The following DLC1 variants were observed in gnomAD, a reference collection of about 807,000 sequenced individuals.
DLC1 encodes the protein rho GTPase-activating protein 7.
In DLC1, 54 loss-of-function variants were observed where a neutral mutation model predicts 140.3. The observed-to-expected ratio is 0.38, with a 90% CI of 0.31 to 0.48. DLC1 has a LOEUF of 0.48. Among genes scored for constraint, DLC1 ranks in the 20% least tolerant of loss-of-function variants. The pLI, the probability that DLC1 is intolerant of heterozygous loss-of-function variation, is 0.96. For synonymous variants in DLC1, 986 were observed against 728.1 expected, an observed-to-expected ratio of 1.35 and a Z score of -5.70; for missense variants, 2,536 against 1,907.0, an observed-to-expected ratio of 1.33 and a Z score of -6.14.
chr8:13,564,806 A>C (rs558997130), intron 1 of DLC1, among the ~76,000 whole-genome samples: 90 of 152,302 alleles, frequency 5.9e-4, no homozygotes, highest in African/African-American at 2.1e-3. Context: ...AACTAGGAAG[A>C]AGAGAAAGTA....
chr8:13,276,446 C>G (rs1054907357), intron 5 of DLC1: 11 of 1,410,790 alleles, frequency 7.8e-6, no homozygotes, highest in Non-Finnish European at 1.0e-5. Context: ...GCGACCATGC[C>G]TCGGTACTCC....
chr8:13,598,522 A>G (rs923004219), intron 1 of DLC1, among the ~76,000 whole-genome samples: 11 of 152,094 alleles, frequency 7.2e-5, no homozygotes, highest in African/African-American at 2.4e-4. Flanking sequence ...ATAACCTACT[A>G]TTTTAGTAAT....
At chr8:13,523,219 C>G (rs1802813297) in intron 1 of DLC1, among the ~76,000 whole-genome samples, 1 of 152,122 alleles carries the variant, frequency 6.6e-6, no homozygotes. Context: ...TGGATAGTGG[C>G]TCATGTGAAG....
At chr8:13,095,278 G>A (rs368535842) in intron 10 of DLC1, 33 bp from the exon 11 acceptor site, 37 of 1,613,378 alleles carry the variant, frequency 2.3e-5, no homozygotes, top group Middle Eastern at 1.6e-4. Context: ...TGGTGTTGGC[G>A]GAGACATGCT....
chr8:13,239,953 A>T (rs778352492), intron 5 of DLC1, among the ~76,000 whole-genome samples: 13 of 152,230 alleles, frequency 8.5e-5, no homozygotes, highest in Non-Finnish European at 1.3e-4. Context: ...AGTGATAAAC[A>T]TTAGTGCACC....
chr8:13,107,390 G>C (rs897709139), intron 7 of DLC1, among the ~76,000 whole-genome samples: 52 of 152,164 alleles, frequency 3.4e-4, no homozygotes, highest in African/African-American at 1.3e-3. Context: ...TCACTTATAA[G>C]ATCCCTGCAT....
At chr8:13,290,901 G>T (rs1485574324) in intron 5 of DLC1, among the ~76,000 whole-genome samples, 2 of 152,142 alleles carry the variant, frequency 1.3e-5, no homozygotes, top group African/African-American at 4.8e-5. Flanking sequence ...GCTGGAGACT[G>T]TGCAGACATA....
intron 5 of DLC1, among the ~76,000 whole-genome samples, chr8:13,185,364 G>A (rs1428118721): frequency 1.3e-5 from 2 of 151,058 alleles, no homozygotes; most frequent in Non-Finnish European, 2.9e-5. Context: ...CTGGAGTGCA[G>A]TGGTGCCATC....
intron 1 of DLC1, among the ~76,000 whole-genome samples, chr8:13,560,968 A>C (rs1804222301): frequency 6.6e-6 from 1 of 152,066 alleles, no homozygotes; most frequent in Non-Finnish European, 1.5e-5. Flanking sequence ...CTGAGATTAT[A>C]TATATATTTT....
At chr8:13,461,793 T>TCTC (rs1799672636) in intron 2 of DLC1, among the ~76,000 whole-genome samples, 1 of 152,080 alleles carries the variant, frequency 6.6e-6, no homozygotes, top group Non-Finnish European at 1.5e-5. Flanking sequence ...GAGCCTCATC[T>TCTC]CTCCTCTCTG....
intron 17 of DLC1, 65 bp downstream of exon 17, chr8:13,086,225 T>A (rs1817545586): frequency 6.4e-7 from 1 of 1,559,488 alleles, no homozygotes. Context: ...TTCTTTGCAT[T>A]AGACAAAAAG....
intron 1 of DLC1, among the ~76,000 whole-genome samples, chr8:13,575,287 G>A (rs1804799131): frequency 6.6e-6 from 1 of 152,118 alleles, no homozygotes. Context: ...AGGACTAATG[G>A]TGCCACATAT....
chr8:13,351,213 T>C (rs1834646881), intron 4 of DLC1, among the ~76,000 whole-genome samples: 1 of 152,238 alleles, frequency 6.6e-6, no homozygotes, highest in African/African-American at 2.4e-5. Context: ...CTAAGTGCTT[T>C]ATATGAATTG....
intron 1 of DLC1, among the ~76,000 whole-genome samples, chr8:13,509,817 TG>T (rs1802273464): frequency 6.6e-6 from 1 of 152,162 alleles, no homozygotes; most frequent in African/African-American, 2.4e-5. Context: ...TTTTTCCCCC[TG>T]GTGATTAGGG....
chr8:13,582,280 A>G (rs1233534970), intron 1 of DLC1, among the ~76,000 whole-genome samples: 2 of 152,228 alleles, frequency 1.3e-5, no homozygotes, highest in Non-Finnish European at 2.9e-5. Flanking sequence ...AGAAAACACC[A>G]GTATACTAAT....
intron 1 of DLC1, among the ~76,000 whole-genome samples, chr8:13,588,225 T>G (rs1383876): frequency 6.6e-6 from 1 of 151,924 alleles, no homozygotes. Context: ...GTTAAAAAAA[T>G]AGACAAACCC....
intron 1 of DLC1, among the ~76,000 whole-genome samples, chr8:13,594,328 C>T (rs888392084): frequency 6.6e-6 from 1 of 152,038 alleles, no homozygotes; most frequent in African/African-American, 2.4e-5. Flanking sequence ...TTCAATGCAG[C>T]CTACTTCGCT....
intron 5 of DLC1, among the ~76,000 whole-genome samples, chr8:13,139,585 T>A (rs897570216): frequency 1.6e-4 from 24 of 152,226 alleles, no homozygotes; most frequent in African/African-American, 5.3e-4. Context: ...TTCTTAGTCC[T>A]GATTTGATAA....
chr8:13,215,761 A>T (rs950129151), intron 5 of DLC1, among the ~76,000 whole-genome samples: 3 of 152,196 alleles, frequency 2.0e-5, no homozygotes, highest in Admixed American at 2.0e-4. Flanking sequence ...GATTATTTAT[A>T]AAATATTAAA....
Sources: allele counts gnomAD v4.1 joint callset (sites outside exome capture counted in the v4.1 genomes callset), GRCh38; gene constraint gnomAD v4.1.1; transcripts MANE v1.5; gene names NCBI Gene and HGNC (gene_info 2026-07-23, HGNC 2026-07-21).